PKHD1: variants seen among roughly 807,000 people sequenced by gnomAD.
PKHD1 encodes fibrocystin.
A neutral mutation model predicts 412.0 loss-of-function variants in PKHD1; 291 were observed. The observed-to-expected ratio is 0.71, with a 90% CI of 0.64 to 0.78. The LOEUF is 0.78. Among genes scored for constraint, PKHD1 ranks in the 30% least tolerant of loss-of-function variants. The pLI, the probability that PKHD1 is intolerant of heterozygous loss-of-function variation, is 0.00. For synonymous variants in PKHD1, 1,777 were observed against 1,821.5 expected (o/e 0.98, Z 0.62); for missense variants, 4,825 against 4,950.7 (o/e 0.97, Z 0.76).
chr6:51,767,663 A>T (rs55999409), intron 55 of PKHD1, among the ~76,000 whole-genome samples: 28,030 of 151,994 alleles, frequency 0.18, 3,393 homozygotes, highest in African/African-American at 0.34. Flanking sequence ...TTTTTATGGC[A>T]GCATAGTATT....
At chr6:51,967,712 T>TACAC (rs144450396) in intron 35 of PKHD1, among the ~76,000 whole-genome samples, 18 of 149,984 alleles carry the variant, frequency 1.2e-4, no homozygotes, top group African/African-American at 2.7e-4. Context: ...TGCACATGAA[T>TACAC]ACACACACAC....
intron 55 of PKHD1, among the ~76,000 whole-genome samples, chr6:51,763,463 T>G (rs145929016): frequency 5.3e-5 from 8 of 152,280 alleles, no homozygotes; most frequent in African/African-American, 1.9e-4. Context: ...AATCCATTCA[T>G]ATGGTTCCTG....
chr6:52,033,144 T>G lies in PKHD1; in HGVS notation c.3250A>C (p.Asn1084His). Residue 1084 changes from asparagine to histidine, a missense_variant, in exon 29 of 67, where the codon AAT becomes CAT. Coordinates refer to ENST00000371117, the MANE Select transcript of PKHD1 (RefSeq NM_138694.4). ...TAGTCCCCTCTGATCACAGTCACATTCACAATGCGTCCATCTTTCCCCTGA... is the reference window on the plus strand; with the variant it reads ...TAGTCCCCTCTGATCACAGTCACATGCACAATGCGTCCATCTTTCCCCTGA... ...PPRGKDGRIV[N>H]VTVIRGDYSA... The G allele has an allele frequency of 6.2e-7, 1 of 1,612,856 alleles. No homozygotes were observed. Among genetic ancestry groups the G allele is most frequent in the Non-Finnish European group, 8.5e-7 (1 of 1,178,906 alleles).
intron 11 of PKHD1, among the ~76,000 whole-genome samples, chr6:52,069,039 G>A (rs946115839): frequency 2.6e-5 from 4 of 152,034 alleles, no homozygotes; most frequent in Non-Finnish European, 5.9e-5. Flanking sequence ...TAGTATGAGG[G>A]TTTACTCATC....
intron 52 of PKHD1, among the ~76,000 whole-genome samples, chr6:51,825,987 C>T (rs999397896): frequency 2.0e-5 from 3 of 152,024 alleles, no homozygotes; most frequent in Non-Finnish European, 2.9e-5. Flanking sequence ...TGTTGTAGAC[C>T]TACATCTCTG....
At position 51,616,725 on chromosome 6, in the gene PKHD1, T is replaced by C. The variant is rs1274120482; in HGVS notation, c.*2356A>G. The C allele has an allele frequency of 1.8e-5, 7 of 398,322 alleles. No individual in the cohort carries two copies. The highest frequency in any genetic ancestry group is 3.1e-5 in the Non-Finnish European group (7 of 225,954). 24.7% of individuals were successfully genotyped at this position (398,322 alleles called of 1,614,324 possible). ...TGGGATGGAATTAGTAAGATAATTA[T>C]GGTTATTCCTACGCAGAGGGATAGG... On this transcript the variant is annotated 3_prime_UTR_variant, in exon 67 of 67. Transcript: ENST00000371117.
At position 51,744,505 on chromosome 6, in the gene PKHD1, A is replaced by G. The variant is rs149798764; in HGVS notation, c.10036T>C (p.Cys3346Arg). Residue 3346 changes from cysteine to arginine, a missense_variant, in exon 60 of 67, where the codon TGT (cysteine) becomes CGT (arginine). Coordinates refer to ENST00000371117, the MANE Select transcript of PKHD1 (RefSeq NM_138694.4). ...LGKVVCPELDCASPRKYLFKD... is the reference protein window; with the variant it reads ...LGKVVCPELDRASPRKYLFKD... ...AAGAGATATTTTCTTGGACTTGCAC[A>G]GTCTAATTCAGGACAGACTACTTTT... The G allele has an allele frequency of 2.4e-4, 384 of 1,613,362 alleles. 2 individuals are homozygous for G. The Middle Eastern group carries it at 5.3e-3, about 22-fold the overall frequency.
chr6:51,631,552 C>T (rs1323963041), intron 65 of PKHD1, among the ~76,000 whole-genome samples: 1 of 152,138 alleles, frequency 6.6e-6, no homozygotes, highest in African/African-American at 2.4e-5. Flanking sequence ...CTCTTTGCCT[C>T]TCTTTATTTC....
At chr6:52,052,511 T>C (rs923937689) in intron 21 of PKHD1, among the ~76,000 whole-genome samples, 1 of 152,206 alleles carries the variant, frequency 6.6e-6, no homozygotes, top group Non-Finnish European at 1.5e-5. Flanking sequence ...GATTACCTTC[T>C]AACTCTCACT....
intron 47 of PKHD1, 53 bp downstream of exon 47, chr6:51,870,451 T>A: frequency 7.1e-7 from 1 of 1,410,112 alleles, no homozygotes; most frequent in East Asian, 2.3e-5. Flanking sequence ...TTTATAATAC[T>A]GACTTGAATA....
chr6:51,827,758 G>C (rs1206106566), intron 52 of PKHD1, among the ~76,000 whole-genome samples: 1 of 152,104 alleles, frequency 6.6e-6, no homozygotes, highest in Non-Finnish European at 1.5e-5. Flanking sequence ...TATGGAACTT[G>C]ACTTTGGGTT....
intron 60 of PKHD1, among the ~76,000 whole-genome samples, chr6:51,691,813 A>T (rs1221447145): frequency 6.6e-6 from 1 of 152,198 alleles, no homozygotes; most frequent in Non-Finnish European, 1.5e-5. Context: ...TAAAAGTTTT[A>T]AAAAAGTGGG....
At position 51,632,594 on chromosome 6, in the gene PKHD1, C is replaced by T; in HGVS notation, c.11636G>A (p.Cys3879Tyr). 6.2e-7 allele frequency: 1 copy of T among 1,613,014 alleles called. No individual in the cohort carries two copies. Among genetic ancestry groups the T allele is most frequent in the Non-Finnish European group, 8.5e-7 (1 of 1,179,558 alleles). ...GCTTTTGCTTCTTTTAAGCCAACAG[C>T]ACACCAGACAGCTCAGAGCCAGCCA... Reference protein sequence around the residue: ...ASWLALSCLVCCWLKRSKSRK... With the variant: ...ASWLALSCLVYCWLKRSKSRK... The change falls in exon 65 of 67, where the codon TGC becomes TAC. Residue 3879 changes from cysteine (C) to tyrosine (Y), a missense_variant. Physicochemically the swap from Cys to Tyr is radical, Grantham distance 194. Coordinates refer to ENST00000371117, the MANE Select transcript of PKHD1 (RefSeq NM_138694.4).
At chr6:52,043,237 C>T in intron 26 of PKHD1, 103 bp from the exon 27 acceptor site, 1 of 880,686 alleles carries the variant, frequency 1.1e-6, no homozygotes, top group East Asian at 2.6e-5. Flanking sequence ...TTCTCTGCCC[C>T]CATCCCCTCC....
intron 43 of PKHD1, among the ~76,000 whole-genome samples, chr6:51,892,245 G>A (rs1298718772): frequency 6.6e-6 from 1 of 152,126 alleles, no homozygotes; most frequent in Non-Finnish European, 1.5e-5. Flanking sequence ...AGTGACTTTT[G>A]GATATCACTG....
chr6:52,044,231 T>G (rs1290248752), intron 25 of PKHD1, among the ~76,000 whole-genome samples: 1 of 152,210 alleles, frequency 6.6e-6, no homozygotes, highest in Non-Finnish European at 1.5e-5. Flanking sequence ...ACTATATATC[T>G]TTCCCTTTCA....
At chr6:51,654,827 A>G (rs1771550062) in intron 61 of PKHD1, among the ~76,000 whole-genome samples, 1 of 152,164 alleles carries the variant, frequency 6.6e-6, no homozygotes, top group Non-Finnish European at 1.5e-5. Context: ...TTTAATGATG[A>G]CCATGAATCG....
intron 60 of PKHD1, among the ~76,000 whole-genome samples, chr6:51,710,091 T>C (rs1037643630): frequency 1.2e-4 from 18 of 152,142 alleles, no homozygotes; most frequent in African/African-American, 4.3e-4. Flanking sequence ...CTGCCTGTAA[T>C]CCCAGCTACT....
At chr6:51,881,075 C>CTTTTTTTTT (rs371470393) in intron 46 of PKHD1, among the ~76,000 whole-genome samples, 10 of 134,002 alleles carry the variant, frequency 7.5e-5, no homozygotes, top group Admixed American at 1.5e-4. Context: ...CTTTTTCTTT[C>CTTTTTTTTT]TTTTTTTTTT....
Sources: gnomAD v4.1 joint callset for allele counts (sites outside exome capture counted in the v4.1 genomes callset) on GRCh38, gnomAD v4.1.1 for gene constraint, MANE v1.5 for transcripts, NCBI Gene and HGNC (gene_info 2026-07-23, HGNC 2026-07-21) for gene names.